The following PLXNA4 variants were observed in gnomAD, a reference collection of about 807,000 sequenced individuals.
The protein encoded by PLXNA4 is plexin A4.
In PLXNA4, 44 loss-of-function variants were observed where a neutral mutation model predicts 191.8. The ratio of observed to expected loss-of-function variants is 0.23; its 90% CI spans 0.18 to 0.29. The LOEUF is 0.29. PLXNA4 is among the 10% of genes least tolerant of loss of function. The pLI is 1.00. For synonymous variants in PLXNA4, 1,082 were observed against 1,009.5 expected (o/e 1.07, Z -1.36); for missense variants, 1,800 against 2,488.8 (o/e 0.72, Z 5.89).
intron 4 of PLXNA4, among the ~76,000 whole-genome samples, chr7:132,261,376 A>G (rs1353217801): frequency 6.6e-6 from 1 of 152,230 alleles, no homozygotes; most frequent in Non-Finnish European, 1.5e-5. Flanking sequence ...CTTTTCCTGC[A>G]GGGACTGAAC....
intron 31 of PLXNA4, among the ~76,000 whole-genome samples, chr7:132,131,024 T>A (rs1047029249): frequency 3.3e-5 from 5 of 152,092 alleles, no homozygotes; most frequent in Admixed American, 6.5e-5. Context: ...CCCGCAGAAA[T>A]AAAAATCCAT....
chr7:132,607,934 C>CTG (rs1161799474), intron 2 of PLXNA4, among the ~76,000 whole-genome samples: 4 of 54,040 alleles, frequency 7.4e-5, no homozygotes, highest in African/African-American at 2.2e-4. Context: ...ACCACCATCA[C>CTG]CGCCATCATC....
intron 1 of PLXNA4, among the ~76,000 whole-genome samples, chr7:132,557,111 G>A (rs922389507): frequency 1.9e-4 from 29 of 152,218 alleles, no homozygotes; most frequent in African/African-American, 6.5e-4. Context: ...GATGGGGGCT[G>A]CCCAGAAACC....
At chr7:132,342,349 G>T (rs1255846684) in intron 3 of PLXNA4, among the ~76,000 whole-genome samples, 1 of 151,318 alleles carries the variant, frequency 6.6e-6, no homozygotes, top group South Asian at 2.1e-4. Flanking sequence ...GTCCAATAAA[G>T]GTTCTGTGAA....
intron 2 of PLXNA4, among the ~76,000 whole-genome samples, chr7:132,637,902 C>A (rs905000594): frequency 6.6e-6 from 1 of 152,174 alleles, no homozygotes; most frequent in Non-Finnish European, 1.5e-5. Context: ...TTCTTTCTCC[C>A]CACTATAAAG....
rs1432497164 is a variant in PLXNA4, at chr7:132,129,176, C to T, written c.*1303G>A. ...CCTCCCAGATCTGACAAGCTGGAGG[C>T]TGAGGTTGGCTGGCATTTTGGGCTG... On this transcript the variant is annotated 3_prime_UTR_variant, in exon 32 of 32. Transcript: ENST00000321063. 1 of 152,228 alleles carries T rather than the reference C, an allele frequency of 6.6e-6. No homozygotes were observed. Among genetic ancestry groups the T allele is most frequent in the Admixed American group, 6.5e-5 (1 of 15,284 alleles). 9.4% of individuals were successfully genotyped at this position (152,228 alleles called of 1,614,324 possible).
chr7:132,289,531 TTTTA>T (rs907334644), intron 4 of PLXNA4, among the ~76,000 whole-genome samples: 1 of 152,124 alleles, frequency 6.6e-6, no homozygotes, highest in African/African-American at 2.4e-5. Flanking sequence ...AAAAATTTAT[TTTTA>T]TTTATTTTTT....
intron 30 of PLXNA4, among the ~76,000 whole-genome samples, chr7:132,133,596 T>C (rs1429264074): frequency 2.6e-5 from 4 of 152,018 alleles, no homozygotes; most frequent in Non-Finnish European, 5.9e-5. Context: ...GCCCGAAGGC[T>C]CTTCCGAGCG....
intron 3 of PLXNA4, among the ~76,000 whole-genome samples, chr7:132,309,525 C>T (rs930419720): frequency 6.6e-6 from 1 of 152,140 alleles, no homozygotes. Context: ...GAGGCTACCT[C>T]CTCTCCTCTC....
chr7:132,550,990 C>T (rs1349013215), intron 1 of PLXNA4, among the ~76,000 whole-genome samples: 1 of 152,200 alleles, frequency 6.6e-6, no homozygotes, highest in Non-Finnish European at 1.5e-5. Flanking sequence ...CCACTCGGTC[C>T]TCCGTGCCCC....
intron 4 of PLXNA4, among the ~76,000 whole-genome samples, chr7:132,270,521 T>A (rs1800026528): frequency 1.3e-5 from 2 of 152,210 alleles, no homozygotes; most frequent in South Asian, 4.1e-4. Flanking sequence ...TGACAACCAC[T>A]TAGGATGGCA....
At chr7:132,172,918 A>T (rs940652433) in intron 21 of PLXNA4, among the ~76,000 whole-genome samples, 3 of 152,148 alleles carry the variant, frequency 2.0e-5, no homozygotes, top group African/African-American at 7.2e-5. Flanking sequence ...GTAATATGGG[A>T]ATGTTCAGAC....
chr7:132,318,451 T>A (rs1423870216), intron 3 of PLXNA4, among the ~76,000 whole-genome samples: 1 of 152,138 alleles, frequency 6.6e-6, no homozygotes, highest in Non-Finnish European at 1.5e-5. Flanking sequence ...TTCTCCAGCC[T>A]CCTGGCTTCC....
At chr7:132,201,585 A>G (rs1466499633) in intron 12 of PLXNA4, among the ~76,000 whole-genome samples, 2 of 152,190 alleles carry the variant, frequency 1.3e-5, no homozygotes, top group Non-Finnish European at 2.9e-5. Context: ...CCTGACCAGC[A>G]TCCGCAGTGG....
intron 1 of PLXNA4, among the ~76,000 whole-genome samples, chr7:132,553,089 C>T (rs955241601): frequency 6.6e-6 from 1 of 152,170 alleles, no homozygotes; most frequent in African/African-American, 2.4e-5. Flanking sequence ...GTGGACCTCA[C>T]AGGCAGAAAA....
chr7:132,621,848 G>C (rs1268309209), intron 2 of PLXNA4, among the ~76,000 whole-genome samples: 1 of 152,096 alleles, frequency 6.6e-6, no homozygotes, highest in African/African-American at 2.4e-5. Flanking sequence ...TCCCACTGTT[G>C]TTTTATTTTG....
chr7:132,287,531 G>C (rs1057112364), intron 4 of PLXNA4, among the ~76,000 whole-genome samples: 6 of 152,134 alleles, frequency 3.9e-5, no homozygotes, highest in South Asian at 4.1e-4. Flanking sequence ...ACTAAGGACG[G>C]GTATGAAAAG....
intron 1 of PLXNA4, among the ~76,000 whole-genome samples, chr7:132,575,436 G>T (rs573358038): frequency 6.6e-6 from 1 of 152,302 alleles, no homozygotes; most frequent in African/African-American, 2.4e-5. Context: ...GTGAGGGAGG[G>T]GAGCCTCCTC....
At chr7:132,577,502 A>C (rs1802304733), upstream of PLXNA4, among the ~76,000 whole-genome samples, 1 of 150,148 alleles carries the variant, frequency 6.7e-6, no homozygotes, top group Non-Finnish European at 1.5e-5. Flanking sequence ...CGCGGCTGAC[A>C]TCTAGAGCGA....
Sources: allele counts gnomAD v4.1 joint callset (sites outside exome capture counted in the v4.1 genomes callset), GRCh38; gene constraint gnomAD v4.1.1; transcripts MANE v1.5; gene names NCBI Gene and HGNC (gene_info 2026-07-23, HGNC 2026-07-21).